Variants in RGS6 observed in about 807,000 individuals in gnomAD.
The protein encoded by RGS6 is regulator of G protein signaling 6, also known as regulator of G-protein signaling 6.
In RGS6, 30 loss-of-function variants were observed where a neutral mutation model predicts 78.5. That is an observed-to-expected ratio of 0.38 (90% confidence interval 0.29 to 0.52). The LOEUF is 0.52. Among genes scored for constraint, RGS6 ranks in the 20% least tolerant of loss-of-function variants. The probability of loss-of-function intolerance (pLI) is 0.85; values close to 1 mark genes in which losing one functional copy is unlikely to be tolerated. For synonymous variants in RGS6, 206 were observed against 206.0 expected (o/e 1.00, Z 0.00); for missense variants, 495 against 609.7 (o/e 0.81, Z 1.98).
intron 17 of RGS6, among the ~76,000 whole-genome samples, chr14:72,545,134 A>G (rs528416345): frequency 5.9e-5 from 9 of 152,372 alleles, no homozygotes; most frequent in South Asian, 4.1e-4. Context: ...GCAAGGGCCA[A>G]TTGGCTAAAA....
chr14:71,924,802 T>A, the RGS6 span, among the ~76,000 whole-genome samples: 1 of 152,130 alleles, frequency 6.6e-6, no homozygotes, highest in Non-Finnish European at 1.5e-5. Context: ...ATAATAACAG[T>A]TTCTTTATCC....
At chr14:72,421,852 A>G (rs954442661) in intron 3 of RGS6, 2 of 152,282 alleles carry the variant, frequency 1.3e-5, no homozygotes, top group Non-Finnish European at 2.9e-5. Flanking sequence ...GCTGCAAGAA[A>G]GACTGGGCTC....
At chr14:72,629,665 CTA>C in the RGS6 span, 2 of 1,536,104 alleles carry the variant, frequency 1.3e-6, no homozygotes, top group Non-Finnish European at 1.7e-6. Flanking sequence ...GATTTGCACT[CTA>C]TGCACTGCCA....
chr14:72,385,207 A>G (rs766265341), intron 3 of RGS6, among the ~76,000 whole-genome samples: 3 of 152,222 alleles, frequency 2.0e-5, no homozygotes, highest in Non-Finnish European at 2.9e-5. Flanking sequence ...AAATATATTC[A>G]AAGCTTGGGT....
chr14:72,453,548 A>G (rs59484685), intron 3 of RGS6, among the ~76,000 whole-genome samples: 8,604 of 136,664 alleles, frequency 0.063, 289 homozygotes, highest in Middle Eastern at 0.093. Flanking sequence ...CCCGGGAGGC[A>G]GAGCTTGCAG....
At position 72,174,745 on chromosome 14, in the gene RGS6, G is replaced by A. The variant is rs555261981; in HGVS notation, c.85-177350G>A. On this transcript the variant is annotated intron_variant, in intron 2 of 17. Transcript: ENST00000553525. ...GGACTTGGTGCAGGGATATGGCTTC[G>A]GGTGACAACCCACCTATCAGAGCTA... is the stretch of plus-strand genomic sequence containing the variant. Among the ~76,000 whole-genome samples the A allele has an allele frequency of 5.9e-5, 9 of 152,242 alleles. No homozygotes were observed. The South Asian group carries it at 6.2e-4, about 11-fold the overall frequency.
chr14:72,183,902 T>C (rs1169665231), intron 2 of RGS6, among the ~76,000 whole-genome samples: 1 of 152,178 alleles, frequency 6.6e-6, no homozygotes, highest in Non-Finnish European at 1.5e-5. Flanking sequence ...TCGTGTTGGC[T>C]CAACTCAGGG....
chr14:72,341,765 A>G (rs1306725468), intron 2 of RGS6, among the ~76,000 whole-genome samples: 1 of 152,202 alleles, frequency 6.6e-6, no homozygotes, highest in Non-Finnish European at 1.5e-5. Flanking sequence ...AATTTACATC[A>G]ATTATTCCAA....
the RGS6 span, among the ~76,000 whole-genome samples, chr14:72,579,811 C>A: frequency 6.6e-6 from 1 of 152,182 alleles, no homozygotes; most frequent in Non-Finnish European, 1.5e-5. Context: ...AAGGTGCCCA[C>A]CTGGAGGCCA....
At chr14:72,039,049 T>C (rs1051438840) in intron 2 of RGS6, among the ~76,000 whole-genome samples, 8 of 152,250 alleles carry the variant, frequency 5.3e-5, no homozygotes, top group African/African-American at 1.7e-4. Context: ...TCCAATGATA[T>C]GTCCTTTATT....
At chr14:72,438,766 C>T (rs2095057001) in intron 3 of RGS6, among the ~76,000 whole-genome samples, 1 of 152,248 alleles carries the variant, frequency 6.6e-6, no homozygotes, top group Non-Finnish European at 1.5e-5. Flanking sequence ...ACAATCCATT[C>T]TGCACTCAGC....
downstream of RGS6, among the ~76,000 whole-genome samples, chr14:72,569,198 T>C (rs909948562): frequency 1.3e-5 from 2 of 152,262 alleles, no homozygotes; most frequent in Admixed American, 6.5e-5. Context: ...CCGTTTTATA[T>C]TACAACATTG....
rs1344475157 is a variant in RGS6 at position 72,565,722 on chromosome 14, C to T, written c.*3255C>T. 6.6e-6 allele frequency: 1 copy of T among 152,286 alleles called. No individual in the cohort carries two copies. The highest frequency in any genetic ancestry group is 2.4e-5 in the African/African-American group (1 of 41,454). The allele number at this position is 152,286 out of a possible 1,614,324, so 9.4% of individuals were successfully genotyped here. A position where few individuals can be genotyped will look rare whatever the true frequency, so the allele number is the denominator to read the frequency against. On this transcript the variant is annotated 3_prime_UTR_variant, in exon 18 of 18. Transcript: ENST00000553525. ...GGATTCCTGGGATTTCAAACTACCT[C>T]ACCAACAGGACGCTGAACCAGGAGC...
chr14:72,526,216 G>T (rs1039324878), intron 15 of RGS6, among the ~76,000 whole-genome samples: 1 of 151,044 alleles, frequency 6.6e-6, no homozygotes, highest in Admixed American at 6.6e-5. Flanking sequence ...CCATTCTCTT[G>T]CCTCAGCCTC....
chr14:72,451,152 G>A (rs2095483258), intron 3 of RGS6, among the ~76,000 whole-genome samples: 1 of 152,166 alleles, frequency 6.6e-6, no homozygotes, highest in Non-Finnish European at 1.5e-5. Flanking sequence ...AGATGCCACT[G>A]CAGATTGAGT....
chr14:72,540,275 G>GA, intron 17 of RGS6, 181 bp downstream of exon 17: 1 of 1,522,622 alleles, frequency 6.6e-7, no homozygotes, highest in South Asian at 1.3e-5. Flanking sequence ...TTCTAGGGAT[G>GA]AAAATGCAAA....
intron 17 of RGS6, among the ~76,000 whole-genome samples, chr14:72,547,872 C>G (rs947030489): frequency 3.9e-5 from 6 of 152,146 alleles, no homozygotes; most frequent in Non-Finnish European, 7.3e-5. Context: ...TCTCTCCACA[C>G]CCCCCGTGGC....
At chr14:71,939,624 AC>A (rs1484098387) in intron 1 of RGS6, among the ~76,000 whole-genome samples, 1 of 152,240 alleles carries the variant, frequency 6.6e-6, no homozygotes, top group Non-Finnish European at 1.5e-5. Context: ...ATGGCTGCAT[AC>A]CAAGTACTAG....
rs375278124 is a variant in RGS6, at chr14:72,065,312, GT to G, written c.84+100438del. 9.2e-5 allele frequency among the ~76,000 whole-genome samples: 14 copies of G among 152,296 alleles called. No individual in the cohort carries two copies. The East Asian group carries it at 2.5e-3, about 27-fold the overall frequency. ...TTCCTGCATTATTGGTTTTTGTCAA[GT>G]GGTTTACAGGCCAAAGTTTGTGGAT... is the stretch of plus-strand genomic sequence containing the variant. On this transcript the variant is annotated intron_variant, in intron 2 of 17. Transcript: ENST00000553525.
Sources: allele counts gnomAD v4.1 joint callset (sites outside exome capture counted in the v4.1 genomes callset), GRCh38; gene constraint gnomAD v4.1.1; transcripts MANE v1.5; gene names NCBI Gene and HGNC (gene_info 2026-07-23, HGNC 2026-07-21).